FBXO11: variants seen among roughly 807,000 people sequenced by gnomAD.
FBXO11 encodes the protein F-box protein 11, also known as F-box only protein 11.
In FBXO11, 13 loss-of-function variants were observed where a neutral mutation model predicts 117.0. The ratio of observed to expected loss-of-function variants is 0.11; its 90% confidence interval spans 0.07 to 0.18. FBXO11 has a LOEUF of 0.18. Ranked by LOEUF, FBXO11 falls within the 10% of genes least tolerant of loss-of-function variation. The probability of loss-of-function intolerance (pLI) is 1.00; values close to 1 mark genes in which losing one functional copy is unlikely to be tolerated. For synonymous variants in FBXO11, 490 were observed against 380.5 expected (o/e 1.29, Z -3.35); for missense variants, 767 against 1,164.4 (o/e 0.66, Z 4.97).
rs892955378 is a variant in FBXO11, at chr2:47,808,016, A to C, written c.*102T>G. On this transcript the variant is annotated 3_prime_UTR_variant, in exon 23 of 23. Coordinates refer to ENST00000403359, the MANE Select transcript of FBXO11 (RefSeq NM_001190274.2). ...GACCTTGTGTATCCATTTTTAATAC[A>C]GTCTCTTCCTGTAGCATGGGCAAAT... The C allele has an allele frequency of 2.8e-6, 3 of 1,053,878 alleles. No homozygotes were observed. Among genetic ancestry groups the C allele is most frequent in the Non-Finnish European group, 4.1e-6 (3 of 726,730 alleles). The allele number at this position is 1,053,878 out of a possible 1,614,324, so 65.3% of individuals were successfully genotyped here.
intron 1 of FBXO11, among the ~76,000 whole-genome samples, chr2:47,858,129 G>A (rs1253648757): frequency 6.6e-6 from 1 of 151,412 alleles, no homozygotes; most frequent in Non-Finnish European, 1.5e-5. Context: ...TTTTTGAGGC[G>A]GAGCCTCACT....
intron 1 of FBXO11, among the ~76,000 whole-genome samples, chr2:47,879,077 T>G (rs575959313): frequency 6.6e-6 from 1 of 152,332 alleles, no homozygotes; most frequent in East Asian, 1.9e-4. Flanking sequence ...CTTTCCAAGT[T>G]TGTGAGTGTA....
At chr2:47,848,970 TC>T (rs1558439708) in intron 1 of FBXO11, among the ~76,000 whole-genome samples, 1 of 152,158 alleles carries the variant, frequency 6.6e-6, no homozygotes, top group Non-Finnish European at 1.5e-5. Context: ...GAAGTTTTTT[TC>T]CCCACAAATA....
At position 47,879,911 on chromosome 2, in the gene FBXO11, C is replaced by T. The variant is rs1255466738; in HGVS notation, c.232+25578G>A. Among the ~76,000 whole-genome samples, 7 of 152,042 alleles carry T rather than the reference C, an allele frequency of 4.6e-5. No individual in the cohort carries two copies. In the East Asian group the frequency reaches 5.8e-4, roughly 13 times the overall value. ...AGTGTAATTCCTCAAGGTTCATCTA[C>T]GGTTGTATCACACAACAAAATTTCC... On this transcript the variant is annotated intron_variant, in intron 1 of 22. Coordinates refer to ENST00000403359, the MANE Select transcript of FBXO11 (RefSeq NM_001190274.2).
chr2:47,837,842 T>C (rs1672705808), intron 4 of FBXO11, among the ~76,000 whole-genome samples: 1 of 152,050 alleles, frequency 6.6e-6, no homozygotes, highest in Non-Finnish European at 1.5e-5. Flanking sequence ...ATGATCCTCC[T>C]GCCTCAGCCT....
Position 47,832,361 on chromosome 2 carries a change from A to G in FBXO11, c.1386T>C (p.Phe462=), listed in dbSNP as rs1300056576. The G allele has an allele frequency of 6.2e-7, 1 of 1,604,402 alleles. No individual in the cohort carries two copies. Among genetic ancestry groups the G allele is most frequent in the South Asian group, 1.1e-5 (1 of 89,690 alleles). ...TAAGTGTTCTTACCATGCCATGATC[A>G]AATGTGAACACACCAACATCACGTC... ...HHGRDVGVFT[F]DHGMGYFESC... Residue 462 remains phenylalanine, a synonymous_variant, in exon 11 of 23, where the codon TTT becomes TTC. Transcript: ENST00000403359.
intron 2 of FBXO11, 33 bp from the exon 3 acceptor site, chr2:47,839,533 A>G (rs1177605433): frequency 6.2e-7 from 1 of 1,609,466 alleles, no homozygotes. Context: ...AGTAAAGCAA[A>G]TATTCTTATC....
intron 1 of FBXO11, among the ~76,000 whole-genome samples, chr2:47,875,478 TTC>T (rs1675931553): frequency 7.1e-6 from 1 of 141,066 alleles, no homozygotes; most frequent in Non-Finnish European, 1.5e-5. Flanking sequence ...TTCTAGGAGA[TTC>T]TGTCATTCTT....
At chr2:47,829,664 A>C (rs375134296) in intron 11 of FBXO11, among the ~76,000 whole-genome samples, 1 of 152,268 alleles carries the variant, frequency 6.6e-6, no homozygotes, top group African/African-American at 2.4e-5. Flanking sequence ...TTAAGGAATT[A>C]TTCCTAATTA....
In FBXO11 at chr2:47,832,808, G is replaced by C. The variant is rs2104810562; in HGVS notation, c.1114C>G (p.Pro372Ala). The change falls in exon 9 of 23, where the codon CCT (proline) becomes GCT (alanine). Residue 372 changes from proline to alanine, a missense_variant. Physicochemically the swap from Pro to Ala is conservative, Grantham distance 27 (BLOSUM62 -1). Coordinates refer to ENST00000403359, the MANE Select transcript of FBXO11 (RefSeq NM_001190274.2). ...HCLEITVNCS[P>A]IIDHCIIRST... is the part of the protein sequence containing the mutation. ...CGGATGATACAGTGATCAATAATAG[G>C]GCTACAATTTACTGTAATCTCTAAG... is the stretch of plus-strand genomic sequence containing the variant. 6.2e-7 allele frequency: 1 copy of C among 1,613,778 alleles called. No homozygotes were observed. The highest frequency in any genetic ancestry group is 8.5e-7 in the Non-Finnish European group (1 of 1,179,770).
chr2:47,871,125 AG>A (rs1675594906), intron 1 of FBXO11, among the ~76,000 whole-genome samples: 2 of 152,194 alleles, frequency 1.3e-5, no homozygotes, highest in South Asian at 4.1e-4. Context: ...AAGTGGTGAT[AG>A]TATGCAATTT....
Position 47,905,617 on chromosome 2 carries a change from GGCTGCGGCGGCGGCT to G in FBXO11, c.89_103del (p.Gln30_Gln34del), listed in dbSNP as rs1035293387. ...CTGCTGGGGCGGCTGCTGCTGGGGC[GGCTGCGGCGGCGGCT>G]GCTGCGGGGGCTGCTGCTGCTGTTG... On this transcript the variant is annotated inframe_deletion, in exon 1 of 23. Coordinates refer to ENST00000403359, the MANE Select transcript of FBXO11 (RefSeq NM_001190274.2). 1.0e-5 allele frequency: 14 copies of G among 1,367,120 alleles called. No homozygotes were observed. The highest frequency in any genetic ancestry group is 3.0e-5 in the African/African-American group (2 of 66,050). 84.7% of individuals were successfully genotyped at this position (1,367,120 alleles called of 1,614,324 possible).
At chr2:47,897,203 T>C (rs1426218792) in intron 1 of FBXO11, among the ~76,000 whole-genome samples, 2 of 152,214 alleles carry the variant, frequency 1.3e-5, no homozygotes, top group Admixed American at 6.5e-5. Flanking sequence ...TGTTCTTATA[T>C]ACAGTATGTT....
intron 1 of FBXO11, among the ~76,000 whole-genome samples, chr2:47,856,567 T>C (rs1437504556): frequency 1.9e-4 from 29 of 152,210 alleles, no homozygotes; most frequent in Admixed American, 1.8e-3. Context: ...GTAAGTGGTA[T>C]GTAAAAAAGA....
Position 47,839,724 on chromosome 2 carries a change from C to G in FBXO11, c.278G>C (p.Gly93Ala). ...ADMVAEESGPGAQNSPYQLRR... is the reference protein window; with the variant it reads ...ADMVAEESGPAAQNSPYQLRR... ...AAGTTGGTATGGACTATTTTGTGCACCAGGACCTGATTCTTCTGCAACCAT... is the reference window on the plus strand; with the variant it reads ...AAGTTGGTATGGACTATTTTGTGCAGCAGGACCTGATTCTTCTGCAACCAT... Residue 93 changes from glycine (G) to alanine (A), a missense_variant, in exon 2 of 23, where the codon GGT becomes GCT. Around this residue, in one of 10 missense-constraint regions of FBXO11, gnomAD observed 355 missense variants for 299.8 expected, o/e 1.18. Coordinates refer to ENST00000403359, the MANE Select transcript of FBXO11 (RefSeq NM_001190274.2). 6.2e-7 allele frequency: 1 copy of G among 1,614,030 alleles called. No individual in the cohort carries two copies. The highest frequency in any genetic ancestry group is 8.5e-7 in the Non-Finnish European group (1 of 1,179,980).
intron 16 of FBXO11, among the ~76,000 whole-genome samples, chr2:47,818,107 C>G (rs1671135678): frequency 6.6e-6 from 1 of 152,144 alleles, no homozygotes; most frequent in South Asian, 2.1e-4. Context: ...AAGAGTGAAA[C>G]TCCGTCTCAA....
At chr2:47,902,381 C>T (rs1678362070) in intron 1 of FBXO11, among the ~76,000 whole-genome samples, 2 of 152,140 alleles carry the variant, frequency 1.3e-5, no homozygotes, top group Admixed American at 1.3e-4. Flanking sequence ...AATACCCAGA[C>T]CAATATTTCC....
chr2:47,836,151 T>C (rs1470715983), intron 4 of FBXO11, 150 bp from the exon 5 acceptor site: 1 of 537,072 alleles, frequency 1.9e-6, no homozygotes, highest in African/African-American at 1.9e-5. Context: ...CAGGATTTTT[T>C]TTTTGAGACA....
At chr2:47,904,195 T>A (rs915548256) in intron 1 of FBXO11, among the ~76,000 whole-genome samples, 1 of 152,194 alleles carries the variant, frequency 6.6e-6, no homozygotes, top group Admixed American at 6.5e-5. Flanking sequence ...CTTTAACCAA[T>A]GGAGGTGTGA....
Sources: gnomAD v4.1 joint callset for allele counts (sites outside exome capture counted in the v4.1 genomes callset) on GRCh38, gnomAD v4.1.1 for gene constraint, gnomAD v4.1.1 regional missense constraint, MANE v1.5 for transcripts, NCBI Gene and HGNC (gene_info 2026-07-23, HGNC 2026-07-21) for gene names.